The following RAB3IL1 variants were observed in gnomAD, a reference collection of about 807,000 sequenced individuals.
The protein encoded by RAB3IL1 is RAB3A interacting protein like 1.
Under a neutral mutation model 49.2 loss-of-function variants are expected in RAB3IL1, and 37 were observed. That is an observed-to-expected ratio of 0.75 (90% CI 0.58 to 0.99). The LOEUF (loss-of-function observed/expected upper bound fraction) is 0.99, where lower values mean the gene tolerates loss of function less well. Among genes scored for constraint, RAB3IL1 ranks in the 50% least tolerant of loss-of-function variants. RAB3IL1 has a pLI of 0.00. For missense variants in RAB3IL1, 484 were observed against 513.0 expected, an observed-to-expected ratio of 0.94 and a Z score of 0.55; for synonymous variants, 193 against 213.9, an observed-to-expected ratio of 0.90 and a Z score of 0.85.
chr11:61,938,664 G>A, the RAB3IL1 span, among the ~76,000 whole-genome samples: 2 of 152,148 alleles, frequency 1.3e-5, no homozygotes, highest in African/African-American at 4.8e-5. Flanking sequence ...AGTGGCTCAT[G>A]CTTCTAATCC....
At position 61,898,320 on chromosome 11, in the gene RAB3IL1, C is replaced by A. The variant is rs759712541; in HGVS notation, c.1107G>T (p.Glu369Asp). The change falls in exon 10 of 10, where the codon GAG (glutamate) becomes GAT (aspartate). Residue 369 changes from glutamate to aspartate, a missense_variant. Physicochemically the swap from Glu to Asp is conservative, Grantham distance 45. Transcript: ENST00000394836. The surrounding 1 kb of genome is among the most constrained non-coding windows in gnomAD (Gnocchi z 5.1). ...MFWEIMRLRK[E>D]MSLAKLGFFP... Reference sequence around the variant, plus strand: ...AGAAGCCGAGCTTGGCCAGTGACATCTCCTTCCGCAACCTCATGATCTCCC... The same window carrying A: ...AGAAGCCGAGCTTGGCCAGTGACATATCCTTCCGCAACCTCATGATCTCCC... The A allele has an allele frequency of 1.2e-6, 2 of 1,613,538 alleles. No homozygotes were observed. Among genetic ancestry groups the A allele is most frequent in the Admixed American group, 3.3e-5 (2 of 60,002 alleles).
the RAB3IL1 span, among the ~76,000 whole-genome samples, chr11:61,942,183 C>A: frequency 6.6e-6 from 1 of 152,162 alleles, no homozygotes; most frequent in African/African-American, 2.4e-5. Flanking sequence ...TGCACTCCAG[C>A]CTAGGCAACA....
chr11:61,918,716 C>G (rs1310506943), upstream of RAB3IL1, among the ~76,000 whole-genome samples: 1 of 152,208 alleles, frequency 6.6e-6, no homozygotes, highest in Admixed American at 6.5e-5. Context: ...CTGGGCACAG[C>G]GCACAGCAAG....
At chr11:61,918,748 G>A (rs1484619014), upstream of RAB3IL1, among the ~76,000 whole-genome samples, 1 of 152,222 alleles carries the variant, frequency 6.6e-6, no homozygotes, top group African/African-American at 2.4e-5. Context: ...GGAGAGTGGA[G>A]GCGAGGCTGG....
intron 1 of RAB3IL1, among the ~76,000 whole-genome samples, chr11:61,915,783 A>C (rs1939652399): frequency 6.6e-6 from 1 of 152,150 alleles, no homozygotes; most frequent in African/African-American, 2.4e-5. Context: ...CACACCTGTA[A>C]TCCCAGCACT....
At chr11:61,920,026 A>T, upstream of RAB3IL1, 1 of 1,244,470 alleles carries the variant, frequency 8.0e-7, no homozygotes, top group Non-Finnish European at 1.0e-6. Flanking sequence ...TCCATGCCCC[A>T]GGTCCTGAGC....
At chr11:61,904,914 G>C (rs763169141) in intron 5 of RAB3IL1, 32 bp from the exon 6 acceptor site, 44 of 1,526,508 alleles carry the variant, frequency 2.9e-5, no homozygotes, top group Non-Finnish European at 3.9e-5. Flanking sequence ...GGTGGGGGCG[G>C]TCAGGGTACT....
At chr11:61,917,235 CG>C in intron 1 of RAB3IL1, 121 bp downstream of exon 1, 3 of 1,278,418 alleles carry the variant, frequency 2.3e-6, no homozygotes, top group South Asian at 4.4e-5. Context: ...GCAGGCAGGG[CG>C]GGGGCGCACA....
upstream of RAB3IL1, among the ~76,000 whole-genome samples, chr11:61,923,060 C>A (rs1939940262): frequency 6.6e-6 from 1 of 152,218 alleles, no homozygotes; most frequent in African/African-American, 2.4e-5. Context: ...AAGACCCCAC[C>A]AGCCTCTTGG....
At chr11:61,905,548 G>GGACAGACAGACA (rs879881608) in intron 5 of RAB3IL1, among the ~76,000 whole-genome samples, 2 of 152,038 alleles carry the variant, frequency 1.3e-5, no homozygotes, top group African/African-American at 4.8e-5. Context: ...TGGGCCGGAT[G>GGACAGACAGACA]GACAGACAGA....
the RAB3IL1 span, among the ~76,000 whole-genome samples, chr11:61,943,031 A>G: frequency 6.6e-6 from 1 of 152,250 alleles, no homozygotes; most frequent in African/African-American, 2.4e-5. Context: ...TGGAATTGCA[A>G]TGGACCCCAA....
At chr11:61,944,742 G>A in the RAB3IL1 span, among the ~76,000 whole-genome samples, 1 of 152,198 alleles carries the variant, frequency 6.6e-6, no homozygotes, top group Admixed American at 6.5e-5. Context: ...TGTCAACCAG[G>A]CTGGAGTACA....
the RAB3IL1 span, chr11:61,945,817 A>AGAGT: frequency 2.0e-6 from 2 of 985,200 alleles, no homozygotes; most frequent in African/African-American, 1.7e-5. Context: ...ACCTCGCAGC[A>AGAGT]CAGTGGATCC....
upstream of RAB3IL1, among the ~76,000 whole-genome samples, chr11:61,923,584 T>A (rs920710678): frequency 4.0e-4 from 61 of 152,248 alleles, no homozygotes; most frequent in Admixed American, 1.7e-3. Flanking sequence ...GGGCCCTGGG[T>A]AAGCCCCAAA....
chr11:61,915,558 C>T (rs571078354), intron 1 of RAB3IL1, among the ~76,000 whole-genome samples: 1 of 152,238 alleles, frequency 6.6e-6, no homozygotes, highest in Admixed American at 6.5e-5. Context: ...TCCACCCAGC[C>T]GGCACAAGAC....
rs764208233 is a variant in RAB3IL1, at chr11:61,907,451, CG to C, written c.379del (p.Arg127GlufsTer5). 1 of 1,614,188 alleles carries C rather than the reference CG, an allele frequency of 6.2e-7. No individual in the cohort carries two copies. Among genetic ancestry groups the C allele is most frequent in the Non-Finnish European group, 8.5e-7 (1 of 1,180,022 alleles). The part of the protein sequence containing the change: ...SLFEEAHKMV[R>X]EANMKQAASE... The stretch of plus-strand genomic sequence containing the variant: ...TGCCGCCTGCTTCATGTTGGCTTCT[CG>C]AACCATCTTGTGAGCTTCCTAGGAA... On this transcript the variant is annotated frameshift_variant, in exon 4 of 10. Coordinates refer to ENST00000394836, the MANE Select transcript of RAB3IL1 (RefSeq NM_013401.4). LOFTEE classifies it high-confidence loss of function.
chr11:61,907,253 C>T, intron 4 of RAB3IL1, 140 bp downstream of exon 4: 1 of 844,854 alleles, frequency 1.2e-6, no homozygotes, highest in Non-Finnish European at 1.9e-6. Context: ...CCCTTCCCTC[C>T]CTGGGCCTAG....
At chr11:61,935,962 T>TA in the RAB3IL1 span, among the ~76,000 whole-genome samples, 74,122 of 147,492 alleles carry the variant, frequency 0.5, 19,253 homozygotes, top group East Asian at 0.87. Context: ...GAGGAACATT[T>TA]AAAAAAAAAA....
upstream of RAB3IL1, chr11:61,919,954 G>T: frequency 1.1e-6 from 1 of 901,940 alleles, no homozygotes; most frequent in South Asian, 5.5e-5. Flanking sequence ...CATTGCCTAG[G>T]ACTCTCTGAG....
Sources: gnomAD v4.1 joint callset for allele counts (sites outside exome capture counted in the v4.1 genomes callset) on GRCh38, gnomAD v4.1.1 for gene constraint, Gnocchi (gnomAD v3.1) non-coding constraint, MANE v1.5 for transcripts, NCBI Gene and HGNC (gene_info 2026-07-23, HGNC 2026-07-21) for gene names.